Variants in VDAC3 observed in about 807,000 individuals in gnomAD.
VDAC3 encodes non-selective voltage-gated ion channel VDAC3.
Under a neutral mutation model 33.9 loss-of-function variants are expected in VDAC3, and 7 were observed. The observed-to-expected ratio is 0.21, with a 90% CI of 0.12 to 0.39. The LOEUF (loss-of-function observed/expected upper bound fraction) is 0.39. VDAC3 is among the 10% of genes least tolerant of loss of function. VDAC3 has a pLI of 1.00. For synonymous variants in VDAC3, 100 were observed against 122.4 expected (o/e 0.82, Z 1.21); for missense variants, 261 against 334.5 (o/e 0.78, Z 1.71).
intron 4 of VDAC3, chr8:42,396,669 T>C: frequency 1.4e-6 from 1 of 695,758 alleles, no homozygotes; most frequent in Non-Finnish European, 2.6e-6. Flanking sequence ...TGTGGTAATA[T>C]TCATTCAGAT....
At chr8:42,396,701 C>T (rs532567161) in intron 4 of VDAC3, 38 of 686,388 alleles carry the variant, frequency 5.5e-5, no homozygotes, top group Non-Finnish European at 7.9e-5. Flanking sequence ...AAAGCTTATT[C>T]GTATGCTTGT....
Position 42,398,870 on chromosome 8 carries a change from A to C in VDAC3, c.270+6A>C. The C allele has an allele frequency of 6.2e-7, 1 of 1,613,268 alleles. No individual in the cohort carries two copies. On this transcript the variant is annotated splice_donor_region_variant and intron_variant, in intron 5 of 9. Coordinates refer to ENST00000022615, the MANE Select transcript of VDAC3 (RefSeq NM_005662.7). ...AAATCTCTTGGGAGAATAAGGTAAG[A>C]GAACGCATTAGAAGTTATTCATAGG... is the stretch of plus-strand genomic sequence containing the variant.
Position 42,405,722 on chromosome 8 carries a change from G to A in VDAC3, c.*260G>A, listed in dbSNP as rs1802489928. 1.3e-5 allele frequency: 5 copies of A among 392,994 alleles called. No individual in the cohort carries two copies. Among genetic ancestry groups the A allele is most frequent in the South Asian group, 8.7e-5 (3 of 34,462 alleles). 24.3% of individuals were successfully genotyped at this position (392,994 alleles called of 1,614,324 possible). ...AGTGTTATTAAATGTGTTCCTCAGC[G>A]ACAGTGTAGCGTCATGTTAGAGGAG... On this transcript the variant is annotated 3_prime_UTR_variant, in exon 10 of 10. Coordinates refer to ENST00000022615, the MANE Select transcript of VDAC3 (RefSeq NM_005662.7).
rs770802703 is a variant in VDAC3, at chr8:42,399,710, A to G, written c.323+7A>G. The G allele has an allele frequency of 1.2e-6, 2 of 1,611,454 alleles. No homozygotes were observed. Among genetic ancestry groups the G allele is most frequent in the Non-Finnish European group, 1.7e-6 (2 of 1,178,522 alleles). On this transcript the variant is annotated splice_region_variant and intron_variant, in intron 6 of 9. Transcript: ENST00000022615. ...TATTTGTACCGAACACAGGGTAATT[A>G]TTCAAATCCCATTTCCTGAAACGTT...
At position 42,391,907 on chromosome 8, in the gene VDAC3, G is replaced by C. The variant is rs1824871778; in HGVS notation, c.-64G>C. On this transcript the variant is annotated 5_prime_UTR_variant, in exon 1 of 10. Coordinates refer to ENST00000022615, the MANE Select transcript of VDAC3 (RefSeq NM_005662.7). ...CCTTCAGCGTTGCCCTGGCGGAGCAGAGACAGGCCCTCGGGGTGGAGGTGA... is the reference window on the plus strand; with the variant it reads ...CCTTCAGCGTTGCCCTGGCGGAGCACAGACAGGCCCTCGGGGTGGAGGTGA... 1 of 152,432 alleles carries C rather than the reference G, an allele frequency of 6.6e-6. No individual in the cohort carries two copies. The highest frequency in any genetic ancestry group is 2.4e-5 in the African/African-American group (1 of 41,560). The allele number at this position is 152,432 out of a possible 1,614,324, so 9.4% of individuals were successfully genotyped here. A position where few individuals can be genotyped will look rare whatever the true frequency, so the allele number is the denominator to read the frequency against.
rs1802490981 is a variant in VDAC3, at chr8:42,405,776, C to T, written c.*314C>T. On this transcript the variant is annotated 3_prime_UTR_variant, in exon 10 of 10. Transcript: ENST00000022615. The stretch of plus-strand genomic sequence containing the variant: ...ATCTGACCCACCAGTTTGTACATCA[C>T]GTCCTGCATGTCCCACACCATTTTT... 2 of 245,298 alleles carry T rather than the reference C, an allele frequency of 8.2e-6. No individual in the cohort carries two copies. 15.2% of individuals were successfully genotyped at this position (245,298 alleles called of 1,614,324 possible). A position where few individuals can be genotyped will look rare whatever the true frequency, so the allele number is the denominator to read the frequency against.
chr8:42,395,270 C>T, intron 4 of VDAC3, 137 bp downstream of exon 4: 2 of 1,300,698 alleles, frequency 1.5e-6, no homozygotes, highest in South Asian at 2.9e-5. Flanking sequence ...TTTTAAACAG[C>T]ATTCTTAGCC....
At chr8:42,403,610 T>C in intron 8 of VDAC3, 149 bp downstream of exon 8, 1 of 926,636 alleles carries the variant, frequency 1.1e-6, no homozygotes, top group South Asian at 2.0e-5. Context: ...GTGGCCAGGC[T>C]CACGCCTGTA....
chr8:42,395,042 C>T (rs1013631141), intron 3 of VDAC3, 42 bp from the exon 4 acceptor site: 32 of 1,611,512 alleles, frequency 2.0e-5, no homozygotes, highest in Admixed American at 3.3e-5. Flanking sequence ...GTGAATGTCA[C>T]ATTTTGTACA....
Position 42,405,400 on chromosome 8 carries a change from G to C in VDAC3, c.790G>C (p.Asp264His). Residue 264 changes from aspartate to histidine, a missense_variant, in exon 10 of 10, where the codon GAT (aspartate) becomes CAT (histidine). By Grantham distance (81) the Asp-to-His change is moderately conservative. Transcript: ENST00000022615. ...GVKLTLSALI[D>H]GKNFSAGGHK... is the part of the protein sequence containing the mutation. ...CAAATTGACTTTATCAGCTTTAATCGATGGGAAGAACTTCAGTGCAGGAGG... is the reference window on the plus strand; with the variant it reads ...CAAATTGACTTTATCAGCTTTAATCCATGGGAAGAACTTCAGTGCAGGAGG... The C allele has an allele frequency of 6.2e-7, 1 of 1,612,846 alleles. No homozygotes were observed. The highest frequency in any genetic ancestry group is 2.2e-5 in the East Asian group (1 of 44,878).
chr8:42,392,237 C>G (rs1368127037), intron 1 of VDAC3, among the ~76,000 whole-genome samples: 6 of 152,338 alleles, frequency 3.9e-5, no homozygotes, highest in Admixed American at 2.6e-4. Flanking sequence ...GTTGGATCCT[C>G]GAACCCCACA....
In VDAC3 at chr8:42,405,733, G is replaced by A. The variant is rs142077536; in HGVS notation, c.*271G>A. Reference sequence around the variant, plus strand: ...ATGTGTTCCTCAGCGACAGTGTAGCGTCATGTTAGAGGAGACGATCTGACC... The same window carrying A: ...ATGTGTTCCTCAGCGACAGTGTAGCATCATGTTAGAGGAGACGATCTGACC... On this transcript the variant is annotated 3_prime_UTR_variant, in exon 10 of 10. Coordinates refer to ENST00000022615, the MANE Select transcript of VDAC3 (RefSeq NM_005662.7). 8.0e-4 allele frequency: 285 copies of A among 354,692 alleles called. 1 individual carries two copies. Among genetic ancestry groups the A allele is most frequent in the South Asian group, 7.6e-3 (221 of 29,072 alleles). The allele number at this position is 354,692 out of a possible 1,614,324, so 22.0% of individuals were successfully genotyped here.
intron 1 of VDAC3, among the ~76,000 whole-genome samples, chr8:42,393,438 A>G (rs1352298556): frequency 6.6e-6 from 1 of 152,232 alleles, no homozygotes; most frequent in Non-Finnish European, 1.5e-5. Context: ...AAGATTTCCC[A>G]TGATACAAAG....
intron 6 of VDAC3, among the ~76,000 whole-genome samples, chr8:42,400,293 C>T (rs181869248): frequency 2.0e-5 from 3 of 150,354 alleles, no homozygotes; most frequent in East Asian, 3.9e-4. Flanking sequence ...AGCCGAGATG[C>T]ACTCCAGCCT....
chr8:42,401,087 A>T (rs961890756), intron 6 of VDAC3, among the ~76,000 whole-genome samples: 4 of 152,178 alleles, frequency 2.6e-5, no homozygotes, highest in Non-Finnish European at 4.4e-5. Context: ...TATATTGGGG[A>T]TTAATTCTTT....
In VDAC3 at chr8:42,398,709, C is replaced by T. The variant is rs1490882928; in HGVS notation, c.118-3C>T. The T allele has an allele frequency of 1.9e-6, 3 of 1,592,056 alleles. No individual in the cohort carries two copies. In the African/African-American group the frequency reaches 4.1e-5, roughly 22 times the overall value. Reference sequence around the variant, plus strand: ...AAAGTAATTATTTTTTCTTGCTTACCAGGAATTTTCTACTTCTGGTCATGC... The same window carrying T: ...AAAGTAATTATTTTTTCTTGCTTACTAGGAATTTTCTACTTCTGGTCATGC... On this transcript the variant is annotated splice_region_variant and splice_polypyrimidine_tract_variant and intron_variant, in intron 4 of 9. Transcript: ENST00000022615.
intron 2 of VDAC3, 41 bp downstream of exon 2, chr8:42,393,925 A>G: frequency 2.2e-6 from 1 of 453,214 alleles, no homozygotes; most frequent in Non-Finnish European, 3.9e-6. Flanking sequence ...CCAGTTTAAC[A>G]TAGCATCTTT....
rs543497526 is a variant in VDAC3, at chr8:42,396,670, T to C, written c.117+1537T>C. ...TCATGCTGCTGTTGTGTGGTAATAT[T>C]CATTCAGATGGTAAGAAAAAAAAGC... On this transcript the variant is annotated intron_variant, in intron 4 of 9. Coordinates refer to ENST00000022615, the MANE Select transcript of VDAC3 (RefSeq NM_005662.7). 3 of 696,048 alleles carry C rather than the reference T, an allele frequency of 4.3e-6. No homozygotes were observed. In the African/African-American group the frequency reaches 5.3e-5, roughly 12 times the overall value. The allele number at this position is 696,048 out of a possible 1,614,324, so 43.1% of individuals were successfully genotyped here.
At chr8:42,393,068 A>AT (rs771767424) in intron 1 of VDAC3, among the ~76,000 whole-genome samples, 8 of 151,434 alleles carry the variant, frequency 5.3e-5, no homozygotes, top group South Asian at 4.2e-4. Context: ...TTCCTCTTTA[A>AT]TTTTTTTTTC....
Sources: gnomAD v4.1 joint callset for allele counts (sites outside exome capture counted in the v4.1 genomes callset) on GRCh38, gnomAD v4.1.1 for gene constraint, MANE v1.5 for transcripts, NCBI Gene and HGNC (gene_info 2026-07-23, HGNC 2026-07-21) for gene names.